Variants in MAP7D2 observed in about 807,000 individuals in gnomAD.
MAP7D2 encodes the protein MAP7 domain-containing protein 2.
Under a neutral mutation model 63.5 loss-of-function variants are expected in MAP7D2, and 33 were observed. The observed-to-expected ratio is 0.52, with a 90% CI of 0.39 to 0.70. The LOEUF (loss-of-function observed/expected upper bound fraction) is 0.70, where lower values mean the gene tolerates loss of function less well. MAP7D2 is among the 30% of genes least tolerant of loss of function. The pLI is 0.00. For synonymous variants in MAP7D2, 224 were observed against 223.7 expected (o/e 1.00, Z -0.01); for missense variants, 626 against 604.0 (o/e 1.04, Z -0.38).
chrX:20,094,563 TATATAC>T (rs1265877698), intron 1 of MAP7D2, among the ~76,000 whole-genome samples: 662 of 14,269 alleles, frequency 0.046, 116 homozygotes, highest in South Asian at 0.082. Flanking sequence ...TATATATATA[TATATAC>T]ATATATATGT....
chrX:20,050,939 G>A lies in MAP7D2; in HGVS notation c.603C>T (p.His201=), dbSNP rs2064933516. 1.7e-6 allele frequency: 2 copies of A among 1,151,383 alleles called. No homozygotes were observed. The highest frequency in any genetic ancestry group is 2.0e-5 in the South Asian group (1 of 49,319). The allele number at this position is 1,151,383 out of a possible 1,213,427, so 94.9% of individuals were successfully genotyped here. ...TGGCTTCCATTGGACTAAGGTGCATGTGATGAGCTGAGGGATGGAATCAAA... is the reference window on the plus strand; with the variant it reads ...TGGCTTCCATTGGACTAAGGTGCATATGATGAGCTGAGGGATGGAATCAAA... ...AISYSPDRAH[H]MHLSPMEAIL... The change falls in exon 6 of 17, where the codon CAC becomes CAT. Residue 201 remains histidine (H), a synonymous_variant. Coordinates refer to ENST00000379643, the MANE Select transcript of MAP7D2 (RefSeq NM_001168465.2).
chrX:20,060,807 C>T (rs958400824), intron 3 of MAP7D2, among the ~76,000 whole-genome samples: 1 of 110,956 alleles, frequency 9.0e-6, no homozygotes, highest in African/African-American at 3.3e-5. Context: ...ACAGGCCTGA[C>T]TACTCTTAAG....
At chrX:20,033,297 C>A (rs942921742) in intron 8 of MAP7D2, among the ~76,000 whole-genome samples, 5 of 112,348 alleles carry the variant, frequency 4.5e-5, no homozygotes. Flanking sequence ...AATGACCAAA[C>A]TGACTTAGAA....
chrX:20,033,122 C>T (rs1001462456), intron 8 of MAP7D2, among the ~76,000 whole-genome samples: 7 of 111,786 alleles, frequency 6.3e-5, no homozygotes, highest in Non-Finnish European at 1.3e-4. Context: ...CCCTGAGTAA[C>T]CCAAGTCAAC....
chrX:20,015,413 A>G lies in MAP7D2; in HGVS notation c.1645-86T>C, dbSNP rs1036793911. 4 of 721,935 alleles carry G rather than the reference A, an allele frequency of 5.5e-6. No homozygotes were observed. In the African/African-American group the frequency reaches 8.3e-5, roughly 15 times the overall value. The allele number at this position is 721,935 out of a possible 1,213,427, so 59.5% of individuals were successfully genotyped here. On this transcript the variant is annotated intron_variant, in intron 11 of 16. Coordinates refer to ENST00000379643, the MANE Select transcript of MAP7D2 (RefSeq NM_001168465.2). ...TCCCTGGCTTTGCACATGTTCCTTC[A>G]TCTCATCATCTGCCCTAAAGTGGAT...
chrX:20,041,614 G>A (rs765675398), intron 8 of MAP7D2, among the ~76,000 whole-genome samples: 2 of 112,045 alleles, frequency 1.8e-5, no homozygotes, highest in Non-Finnish European at 3.8e-5. Flanking sequence ...GAACTAAACT[G>A]ATACACTGAA....
At chrX:20,057,612 C>T (rs112786451) in intron 3 of MAP7D2, among the ~76,000 whole-genome samples, 22,002 of 111,247 alleles carry the variant, frequency 0.2, 1,727 homozygotes, top group Non-Finnish European at 0.23. Flanking sequence ...CTGCACTCCC[C>T]ACCACCTCCG....
At chrX:20,097,623 G>A (rs779793044) in intron 1 of MAP7D2, among the ~76,000 whole-genome samples, 90 of 112,127 alleles carry the variant, frequency 8.0e-4, no homozygotes, top group Non-Finnish European at 1.4e-3. Context: ...ACAGCCTCCT[G>A]AATAGGGCAT....
intron 6 of MAP7D2, among the ~76,000 whole-genome samples, chrX:20,047,498 G>T (rs2064829785): frequency 9.0e-6 from 1 of 110,916 alleles, no homozygotes; most frequent in African/African-American, 3.3e-5. Flanking sequence ...GATGGAGGAG[G>T]CCACCTGGCT....
chrX:20,085,563 T>C (rs1300069983), intron 1 of MAP7D2, among the ~76,000 whole-genome samples: 2 of 112,140 alleles, frequency 1.8e-5, no homozygotes, highest in Non-Finnish European at 3.8e-5. Context: ...TCGAGCACAG[T>C]ATCCACCTTC....
intron 1 of MAP7D2, among the ~76,000 whole-genome samples, chrX:20,081,152 A>G (rs919704979): frequency 2.2e-4 from 25 of 112,469 alleles, no homozygotes; most frequent in African/African-American, 7.1e-4. Flanking sequence ...GACAGAACCC[A>G]GCAGGTAATG....
chrX:20,016,066 A>G (rs1239133489), intron 11 of MAP7D2, 28 bp downstream of exon 11: 3 of 1,151,875 alleles, frequency 2.6e-6, no homozygotes, highest in African/African-American at 1.8e-5. Context: ...AAAAACAAGT[A>G]AAGTCCATCT....
intron 12 of MAP7D2, 21 bp downstream of exon 12, chrX:20,015,202 T>C (rs1404967249): frequency 8.7e-7 from 1 of 1,143,752 alleles, no homozygotes; most frequent in Non-Finnish European, 1.2e-6. Flanking sequence ...ACCCTAGGTC[T>C]TCCTGACCCT....
chrX:20,034,833 G>A (rs1350104293), intron 8 of MAP7D2, among the ~76,000 whole-genome samples: 1 of 111,691 alleles, frequency 9.0e-6, no homozygotes, highest in African/African-American at 3.3e-5. Context: ...AGCACCTACT[G>A]TGCAACAATA....
intron 6 of MAP7D2, among the ~76,000 whole-genome samples, chrX:20,047,356 T>A (rs192359743): frequency 8.9e-6 from 1 of 112,390 alleles, no homozygotes; most frequent in African/African-American, 3.2e-5. Flanking sequence ...ATAGTTCCTA[T>A]GTGCGTGCCA....
intron 8 of MAP7D2, among the ~76,000 whole-genome samples, chrX:20,039,780 C>A (rs1040873733): frequency 9.1e-6 from 1 of 110,490 alleles, no homozygotes; most frequent in African/African-American, 3.3e-5. Context: ...GTGGGCGGAT[C>A]ACAAGGTCAG....
chrX:20,009,103 A>G (rs917683836), intron 16 of MAP7D2, among the ~76,000 whole-genome samples: 1 of 111,646 alleles, frequency 9.0e-6, no homozygotes, highest in African/African-American at 3.3e-5. Context: ...CAAACCAGTG[A>G]TACAGTTTAC....
chrX:20,029,235 C>CT (rs1196740522), intron 8 of MAP7D2, among the ~76,000 whole-genome samples: 1 of 112,403 alleles, frequency 8.9e-6, no homozygotes, highest in African/African-American at 3.2e-5. Flanking sequence ...CCACAAGGGT[C>CT]TCCAGGGCTG....
At chrX:20,094,834 C>T (rs767297445) in intron 1 of MAP7D2, among the ~76,000 whole-genome samples, 11 of 105,882 alleles carry the variant, frequency 1.0e-4, no homozygotes, top group South Asian at 8.6e-4. Flanking sequence ...GCCTCGGCCT[C>T]GCAAAGTGCT....
Sources: allele counts gnomAD v4.1 joint callset (sites outside exome capture counted in the v4.1 genomes callset), GRCh38; gene constraint gnomAD v4.1.1; transcripts MANE v1.5; gene names NCBI Gene and HGNC (gene_info 2026-07-23, HGNC 2026-07-21).